The following CBY1 variants were observed in gnomAD, a reference collection of about 807,000 sequenced individuals.
CBY1 encodes the protein chibby 1, beta catenin antagonist.
Under a neutral mutation model 15.6 loss-of-function variants are expected in CBY1, and 10 were observed. The observed-to-expected ratio is 0.64, with a 90% CI of 0.40 to 1.09. The LOEUF is 1.09. CBY1 is among the 50% of genes least tolerant of loss of function. The pLI is 0.01. For synonymous variants in CBY1, 61 were observed against 63.5 expected (o/e 0.96, Z 0.19); for missense variants, 150 against 160.5 (o/e 0.93, Z 0.35).
chr22:38,671,273 C>T lies in CBY1; in HGVS notation c.303+85C>T. On this transcript the variant is annotated intron_variant, in intron 4 of 4. Coordinates refer to ENST00000216029, the MANE Select transcript of CBY1 (RefSeq NM_015373.4). ...AGTCACTTAATCCAACAGATATCTC[C>T]TCAATGCCAGTTTGGCCAGGTACGT... 3.9e-6 allele frequency: 4 copies of T among 1,025,000 alleles called. No homozygotes were observed. The South Asian group carries it at 5.2e-5, about 13-fold the overall frequency. 63.5% of individuals were successfully genotyped at this position (1,025,000 alleles called of 1,614,324 possible). A position where few individuals can be genotyped will look rare whatever the true frequency, so the allele number is the denominator to read the frequency against.
At position 38,664,149 on chromosome 22, in the gene CBY1, G is replaced by GA. The variant is rs560059150; in HGVS notation, c.-38-3866dup. ...ATACCCTTACAAACCCTTACAAAAT[G>GA]AACATGATAGACAGCTCAATTTTAA... On this transcript the variant is annotated intron_variant, in intron 1 of 4. Transcript: ENST00000216029. 2.4e-4 allele frequency among the ~76,000 whole-genome samples: 37 copies of GA among 151,920 alleles called. No homozygotes were observed. In the South Asian group the frequency reaches 7.7e-3, roughly 32 times the overall value.
At position 38,673,106 on chromosome 22, in the gene CBY1, G is replaced by A. The variant is rs113251051; in HGVS notation, c.304-53G>A. The A allele has an allele frequency of 1.9e-4, 261 of 1,372,718 alleles. 1 individual carries two copies. In the African/African-American group the frequency reaches 2.2e-3, roughly 12 times the overall value. 85.0% of individuals were successfully genotyped at this position (1,372,718 alleles called of 1,614,324 possible). ...TGTGTAGGGCCGGCCTTGCTAACCC[G>A]AAACATTTCCTAGAAATGTGCTGCT... On this transcript the variant is annotated intron_variant, in intron 4 of 4. Coordinates refer to ENST00000216029, the MANE Select transcript of CBY1 (RefSeq NM_015373.4).
intron 4 of CBY1, chr22:38,671,407 GTCTGCA>G (rs2092452281): frequency 3.6e-6 from 2 of 552,670 alleles, no homozygotes; most frequent in Non-Finnish European, 6.5e-6. Context: ...CCCAGTTGGA[GTCTGCA>G]CAGGATCTGC....
chr22:38,666,456 C>T (rs1372318191), intron 1 of CBY1: 2 of 151,972 alleles, frequency 1.3e-5, no homozygotes, highest in Admixed American at 6.6e-5. Context: ...TTAACTAGGC[C>T]TAGGTGAATT....
chr22:38,664,960 C>T (rs985063895), intron 1 of CBY1, among the ~76,000 whole-genome samples: 17 of 152,154 alleles, frequency 1.1e-4, no homozygotes, highest in African/African-American at 4.1e-4. Context: ...CCTTCCACCT[C>T]AGCCTCCTGA....
chr22:38,657,035 G>GGTA, intron 1 of CBY1: 1 of 533,208 alleles, frequency 1.9e-6, no homozygotes, highest in Non-Finnish European at 2.4e-6. Flanking sequence ...CAGCCCTGGG[G>GGTA]GCCGTGCATC....
chr22:38,673,540 G>C lies in CBY1; in HGVS notation c.*304G>C. 1 of 313,622 alleles carries C rather than the reference G, an allele frequency of 3.2e-6. No individual in the cohort carries two copies. The highest frequency in any genetic ancestry group is 3.2e-5 in the South Asian group (1 of 31,738). 19.4% of individuals were successfully genotyped at this position (313,622 alleles called of 1,614,324 possible). A position where few individuals can be genotyped will look rare whatever the true frequency, so the allele number is the denominator to read the frequency against. On this transcript the variant is annotated 3_prime_UTR_variant, in exon 5 of 5. Transcript: ENST00000216029. Reference sequence around the variant, plus strand: ...CACACACAAGCTCGCAAACACACATGTCCCAGAATAGCTCTGTTGGGTTGT... The same window carrying C: ...CACACACAAGCTCGCAAACACACATCTCCCAGAATAGCTCTGTTGGGTTGT...
At chr22:38,669,696 C>G (rs2092446865) in intron 2 of CBY1, 1 of 152,246 alleles carries the variant, frequency 6.6e-6, no homozygotes, top group South Asian at 2.1e-4. Flanking sequence ...ACCTGAAGGT[C>G]TCCCTGTGTT....
intron 1 of CBY1, chr22:38,657,210 TC>T (rs2092401573): frequency 1.6e-6 from 1 of 616,884 alleles, no homozygotes; most frequent in South Asian, 7.2e-5. Context: ...GTGATTAGTA[TC>T]AGTATCTGTG....
intron 1 of CBY1, among the ~76,000 whole-genome samples, chr22:38,661,924 A>G (rs1251222336): frequency 6.6e-6 from 1 of 152,044 alleles, no homozygotes; most frequent in African/African-American, 2.4e-5. Flanking sequence ...CTTTTTGCTC[A>G]CTTGTGCCGT....
chr22:38,661,529 A>G (rs2145779296), intron 1 of CBY1, among the ~76,000 whole-genome samples: 1 of 152,316 alleles, frequency 6.6e-6, no homozygotes, highest in South Asian at 2.1e-4. Flanking sequence ...CATAACCCCA[A>G]ATACCTTCAT....
At position 38,659,481 on chromosome 22, in the gene CBY1, C is replaced by T. The variant is rs2145777253; in HGVS notation, c.-39+2731C>T. 3.9e-5 allele frequency among the ~76,000 whole-genome samples: 6 copies of T among 152,118 alleles called. No homozygotes were observed. The Middle Eastern group carries it at 0.02, about 517-fold the overall frequency. On this transcript the variant is annotated intron_variant, in intron 1 of 4. Coordinates refer to ENST00000216029, the MANE Select transcript of CBY1 (RefSeq NM_015373.4). ...GCCAGGCTGGTCTCAAACTCCTGAC[C>T]TCAAGTGATCCACCTGCCTCAGCCT...
intron 1 of CBY1, among the ~76,000 whole-genome samples, chr22:38,661,880 C>T (rs1003422519): frequency 6.6e-6 from 1 of 152,322 alleles, no homozygotes. Flanking sequence ...GAAGACCTTA[C>T]GCCCAGGAGG....
chr22:38,660,133 A>G (rs551825331), intron 1 of CBY1, among the ~76,000 whole-genome samples: 1 of 152,050 alleles, frequency 6.6e-6, no homozygotes, highest in Non-Finnish European at 1.5e-5. Flanking sequence ...TCACATCCTC[A>G]TCAACCATGG....
At chr22:38,660,986 G>C (rs544538536) in intron 1 of CBY1, among the ~76,000 whole-genome samples, 1 of 152,056 alleles carries the variant, frequency 6.6e-6, no homozygotes, top group East Asian at 1.9e-4. Flanking sequence ...CAGTGCCAGG[G>C]CCTTACAATG....
chr22:38,660,907 T>G (rs1413049467), intron 1 of CBY1, among the ~76,000 whole-genome samples: 1 of 152,148 alleles, frequency 6.6e-6, no homozygotes, highest in Non-Finnish European at 1.5e-5. Context: ...TTCTGTCCTT[T>G]ACATAAGATT....
chr22:38,657,110 C>G (rs1488599794), intron 1 of CBY1: 1 of 984,052 alleles, frequency 1.0e-6, no homozygotes. Context: ...CCGATGAAAA[C>G]CAGAGATTCC....
intron 2 of CBY1, chr22:38,670,560 AAGAATTTTTC>A (rs2145787417): frequency 4.5e-6 from 1 of 224,538 alleles, no homozygotes; most frequent in East Asian, 1.0e-4. Flanking sequence ...TACATTTAAA[AAGAATTTTTC>A]ACTTGATTAA....
chr22:38,665,377 T>C (rs1362170470), intron 1 of CBY1, among the ~76,000 whole-genome samples: 1 of 152,020 alleles, frequency 6.6e-6, no homozygotes, highest in East Asian at 1.9e-4. Context: ...GATGGGAGGA[T>C]CACCTGAGCC....
Sources: gnomAD v4.1 joint callset for allele counts (sites outside exome capture counted in the v4.1 genomes callset) on GRCh38, gnomAD v4.1.1 for gene constraint, MANE v1.5 for transcripts, NCBI Gene and HGNC (gene_info 2026-07-23, HGNC 2026-07-21) for gene names.